Variants in MFSD6 observed in about 807,000 individuals in gnomAD.
MFSD6 encodes major facilitator superfamily domain containing 6.
Under a neutral mutation model 56.3 loss-of-function variants are expected in MFSD6, and 26 were observed. That is an observed-to-expected ratio of 0.46 (90% CI 0.34 to 0.64). MFSD6 has a LOEUF of 0.64. Ranked by LOEUF, MFSD6 falls within the 30% of genes least tolerant of loss-of-function variation. MFSD6 has a pLI of 0.01. For synonymous variants in MFSD6, 331 were observed against 366.9 expected, an observed-to-expected ratio of 0.90 and a Z score of 1.12; for missense variants, 750 against 986.2, an observed-to-expected ratio of 0.76 and a Z score of 3.21.
chr2:190,464,235 T>A (rs1229088055), intron 3 of MFSD6, among the ~76,000 whole-genome samples: 1 of 152,172 alleles, frequency 6.6e-6, no homozygotes, highest in Non-Finnish European at 1.5e-5. Flanking sequence ...TAAAAAACAA[T>A]CTTCATCTGG....
In MFSD6 at chr2:190,418,078, T is replaced by G. The variant is rs928971032; in HGVS notation, c.-54+2665T>G. Among the ~76,000 whole-genome samples, 3 of 151,748 alleles carry G rather than the reference T, an allele frequency of 2.0e-5. No homozygotes were observed. Among genetic ancestry groups the G allele is most frequent in the African/African-American group, 7.2e-5 (3 of 41,388 alleles). On this transcript the variant is annotated intron_variant, in intron 2 of 7. Transcript: ENST00000392328. This position sits in a 1 kb window ranked among gnomAD's most constrained non-coding sequence, Gnocchi z 4.1. The stretch of plus-strand genomic sequence containing the variant: ...AGTCTTTGAGGCCTAAGACCTAACT[T>G]TTGGGATCCCTGTCTCATAGCTGCA...
chr2:190,428,995 T>G (rs1685873448), intron 2 of MFSD6, among the ~76,000 whole-genome samples: 1 of 152,030 alleles, frequency 6.6e-6, no homozygotes. Flanking sequence ...ATTTCAGCCA[T>G]TTTTAGAGTA....
chr2:190,422,525 ATAAT>A (rs1180584472), intron 2 of MFSD6, among the ~76,000 whole-genome samples: 1 of 152,206 alleles, frequency 6.6e-6, no homozygotes, highest in African/African-American at 2.4e-5. Flanking sequence ...AACTCAAGTA[ATAAT>A]TTGGCTACAT....
rs1685766060 is a variant in MFSD6 at position 190,425,716 on chromosome 2, A to G, written c.-53-10261A>G. Among the ~76,000 whole-genome samples the G allele has an allele frequency of 6.6e-6, 1 of 152,200 alleles. No individual in the cohort carries two copies. Among genetic ancestry groups the G allele is most frequent in the Non-Finnish European group, 1.5e-5 (1 of 68,042 alleles). Reference sequence around the variant, plus strand: ...AATCAACCACACTTTGTCATGTTGTATAATTCTTTTTATATGTTGCTAAAT... The same window carrying G: ...AATCAACCACACTTTGTCATGTTGTGTAATTCTTTTTATATGTTGCTAAAT... On this transcript the variant is annotated intron_variant, in intron 2 of 7. Transcript: ENST00000392328. This position sits in a 1 kb window ranked among gnomAD's most constrained non-coding sequence, Gnocchi z 4.3.
rs189514990 is a variant in MFSD6, at chr2:190,465,749, T to C, written c.1533-4009T>C. On this transcript the variant is annotated intron_variant, in intron 3 of 7. Transcript: ENST00000392328. The surrounding 1 kb of genome is among the most constrained non-coding windows in gnomAD (Gnocchi z 4.6). ...GGCTCACGCCTATAATCCCAGCACT[T>C]TGGGAGGCCGAGGCAGGTGGATCAC... Among the ~76,000 whole-genome samples, 2 of 152,252 alleles carry C rather than the reference T, an allele frequency of 1.3e-5. No homozygotes were observed. The highest frequency in any genetic ancestry group is 3.9e-4 in the East Asian group (2 of 5,168).
At chr2:190,464,129 T>C (rs1339464860) in intron 3 of MFSD6, among the ~76,000 whole-genome samples, 1 of 152,284 alleles carries the variant, frequency 6.6e-6, no homozygotes, top group Non-Finnish European at 1.5e-5. Flanking sequence ...CGAGCAACCT[T>C]GTATGCATTG....
At position 190,458,909 on chromosome 2, in the gene MFSD6, T is replaced by A. The variant is rs1317807188; in HGVS notation, c.1533-10849T>A. Among the ~76,000 whole-genome samples the A allele has an allele frequency of 6.6e-6, 1 of 152,206 alleles. No individual in the cohort carries two copies. Among genetic ancestry groups the A allele is most frequent in the Non-Finnish European group, 1.5e-5 (1 of 68,028 alleles). ...GCCTGCGCCAGAGGTCCCAGGCAGC[T>A]CTAGGATCAAGTTCAGCTGAGAACA... On this transcript the variant is annotated intron_variant, in intron 3 of 7. Transcript: ENST00000392328. The surrounding 1 kb of genome is among the most constrained non-coding windows in gnomAD (Gnocchi z 5.3).
intron 3 of MFSD6, among the ~76,000 whole-genome samples, chr2:190,446,560 C>T (rs1686591899): frequency 6.6e-6 from 1 of 152,122 alleles, no homozygotes; most frequent in African/African-American, 2.4e-5. Context: ...AATTATCTGG[C>T]AGTGTCATGA....
At position 190,489,508 on chromosome 2, in the gene MFSD6, G is replaced by A. The variant is rs543598927; in HGVS notation, c.1793-260G>A. 2.6e-5 allele frequency among the ~76,000 whole-genome samples: 4 copies of A among 152,296 alleles called. No individual in the cohort carries two copies. The highest frequency in any genetic ancestry group is 9.6e-5 in the African/African-American group (4 of 41,554). On this transcript the variant is annotated intron_variant, in intron 5 of 7. Transcript: ENST00000392328. The surrounding 1 kb of genome is among the most constrained non-coding windows in gnomAD (Gnocchi z 6.6). ...AGCACCATTGAATTGTATGAGTCATGGTGAAAGGCACTGAGAGATAATCCT... is the reference window on the plus strand; with the variant it reads ...AGCACCATTGAATTGTATGAGTCATAGTGAAAGGCACTGAGAGATAATCCT...
At chr2:190,409,270 C>G (rs1196199317) in intron 1 of MFSD6, among the ~76,000 whole-genome samples, 1 of 152,064 alleles carries the variant, frequency 6.6e-6, no homozygotes, top group African/African-American at 2.4e-5. Context: ...AAAATACAAA[C>G]GCAACTTTCC....
chr2:190,427,229 C>T (rs566954043), intron 2 of MFSD6, among the ~76,000 whole-genome samples: 1 of 152,314 alleles, frequency 6.6e-6, no homozygotes, highest in East Asian at 1.9e-4. Context: ...CTCATTACTG[C>T]CTAGCAGGGA....
In MFSD6 at chr2:190,488,541, T is replaced by C. The variant is rs1423464806; in HGVS notation, c.1631-116T>C. On this transcript the variant is annotated intron_variant, in intron 4 of 7. Transcript: ENST00000392328. The surrounding 1 kb of genome is among the most constrained non-coding windows in gnomAD (Gnocchi z 6.4). ...GTGAAAATGGTAAATTTTTAATGTA[T>C]GTTTTCCCACAACAAATCTTAAAAA... 7 of 991,228 alleles carry C rather than the reference T, an allele frequency of 7.1e-6. No homozygotes were observed. The highest frequency in any genetic ancestry group is 6.7e-5 in the African/African-American group (4 of 59,750). 61.4% of individuals were successfully genotyped at this position (991,228 alleles called of 1,614,324 possible).
rs1260701565 is a variant in MFSD6, at chr2:190,431,284, C to T, written c.-53-4693C>T. Among the ~76,000 whole-genome samples, 1 of 152,134 alleles carries T rather than the reference C, an allele frequency of 6.6e-6. No homozygotes were observed. The highest frequency in any genetic ancestry group is 1.5e-5 in the Non-Finnish European group (1 of 68,024). ...GATGGGCGGCCAGGCAGAGACGCTC[C>T]TCACTTCCCAGACGGGGTGGCGGCC... On this transcript the variant is annotated intron_variant, in intron 2 of 7. Coordinates refer to ENST00000392328, the MANE Select transcript of MFSD6 (RefSeq NM_017694.4). The surrounding 1 kb of genome is among the most constrained non-coding windows in gnomAD (Gnocchi z 4.4).
In MFSD6 at chr2:190,456,186, C is replaced by T. The variant is rs1259721784; in HGVS notation, c.1533-13572C>T. Among the ~76,000 whole-genome samples, 3 of 151,992 alleles carry T rather than the reference C, an allele frequency of 2.0e-5. No individual in the cohort carries two copies. The highest frequency in any genetic ancestry group is 4.4e-5 in the Non-Finnish European group (3 of 67,986). On this transcript the variant is annotated intron_variant, in intron 3 of 7. Transcript: ENST00000392328. The surrounding 1 kb of genome is among the most constrained non-coding windows in gnomAD (Gnocchi z 5.4). The stretch of plus-strand genomic sequence containing the variant: ...AAACTCCTGACCTCAGGTGATCTAC[C>T]CGCCTCAGCCTCCCAAAGTGCTAGG...
chr2:190,497,871 A>G lies in MFSD6; in HGVS notation c.2172+152A>G. The G allele has an allele frequency of 1.1e-6, 1 of 892,258 alleles. No homozygotes were observed. Among genetic ancestry groups the G allele is most frequent in the South Asian group, 1.8e-5 (1 of 56,584 alleles). 55.3% of individuals were successfully genotyped at this position (892,258 alleles called of 1,614,324 possible). ...CAAACAATTTCAGTACTCTGTGAGC[A>G]CTGAGTTAAAGAGGGTGTATACAAG... is the stretch of plus-strand genomic sequence containing the variant. On this transcript the variant is annotated intron_variant, in intron 7 of 7. Transcript: ENST00000392328. This position sits in a 1 kb window ranked among gnomAD's most constrained non-coding sequence, Gnocchi z 5.2.
rs1356246915 is a variant in MFSD6, at chr2:190,443,854, A to C, written c.1532+6293A>C. ...AGGATGTCTTGAGCCCAGGAGTTCG[A>C]GATCAGCCTGGGCAACATGGTGAGA... On this transcript the variant is annotated intron_variant, in intron 3 of 7. Transcript: ENST00000392328. The surrounding 1 kb of genome is among the most constrained non-coding windows in gnomAD (Gnocchi z 4.2). Among the ~76,000 whole-genome samples, 1 of 152,174 alleles carries C rather than the reference A, an allele frequency of 6.6e-6. No individual in the cohort carries two copies. The highest frequency in any genetic ancestry group is 1.5e-5 in the Non-Finnish European group (1 of 68,014).
intron 3 of MFSD6, among the ~76,000 whole-genome samples, chr2:190,450,847 T>A (rs1686753329): frequency 6.6e-6 from 1 of 152,204 alleles, no homozygotes; most frequent in South Asian, 2.1e-4. Flanking sequence ...GCTCTGACAT[T>A]ATTGAAAAGA....
intron 3 of MFSD6, among the ~76,000 whole-genome samples, chr2:190,452,580 A>C (rs565008941): frequency 6.6e-6 from 1 of 152,302 alleles, no homozygotes; most frequent in African/African-American, 2.4e-5. Flanking sequence ...GCTACCTTAT[A>C]GCTTCATAGG....
At position 190,412,208 on chromosome 2, in the gene MFSD6, G is replaced by A. The variant is rs987197078; in HGVS notation, c.-175-3084G>A. 2 of 984,944 alleles carry A rather than the reference G, an allele frequency of 2.0e-6. No individual in the cohort carries two copies. Among genetic ancestry groups the A allele is most frequent in the Admixed American group, 1.2e-4 (2 of 16,250 alleles). The allele number at this position is 984,944 out of a possible 1,614,324, so 61.0% of individuals were successfully genotyped here. On this transcript the variant is annotated intron_variant, in intron 1 of 7. Transcript: ENST00000392328. This position sits in a 1 kb window ranked among gnomAD's most constrained non-coding sequence, Gnocchi z 4.1. Reference sequence around the variant, plus strand: ...ACATTTCCAGACTTAGAAATCCAGAGCCATAATACATTCAGACTTTTCAGA... The same window carrying A: ...ACATTTCCAGACTTAGAAATCCAGAACCATAATACATTCAGACTTTTCAGA...
Sources: gnomAD v4.1 joint callset for allele counts (sites outside exome capture counted in the v4.1 genomes callset) on GRCh38, gnomAD v4.1.1 for gene constraint, Gnocchi (gnomAD v3.1) non-coding constraint, MANE v1.5 for transcripts, NCBI Gene and HGNC (gene_info 2026-07-23, HGNC 2026-07-21) for gene names.